The following SLC23A2 variants were observed in gnomAD, a reference collection of about 807,000 sequenced individuals.
The protein encoded by SLC23A2 is Na(+)/L-ascorbic acid transporter 2.
In SLC23A2, 36 loss-of-function variants were observed where a neutral mutation model predicts 73.3. That is an observed-to-expected ratio of 0.49 (90% CI 0.38 to 0.65). The LOEUF (loss-of-function observed/expected upper bound fraction) is 0.65, where lower values mean the gene tolerates loss of function less well. Ranked by LOEUF, SLC23A2 falls within the 30% of genes least tolerant of loss-of-function variation. The pLI is 0.00. For missense variants in SLC23A2, 507 were observed against 841.6 expected, an observed-to-expected ratio of 0.60 and a Z score of 4.92; for synonymous variants, 343 against 327.3, an observed-to-expected ratio of 1.05 and a Z score of -0.52.
intron 2 of SLC23A2, among the ~76,000 whole-genome samples, chr20:4,966,787 A>C (rs2087481192): frequency 7.9e-6 from 1 of 126,360 alleles, no homozygotes; most frequent in African/African-American, 2.8e-5. Flanking sequence ...CATCCTATGG[A>C]TGTGTAAACT....
chr20:4,883,851 G>C lies in SLC23A2; in HGVS notation c.643-28C>G, dbSNP rs776570958. On this transcript the variant is annotated intron_variant, in intron 8 of 16. Coordinates refer to ENST00000338244, the MANE Select transcript of SLC23A2 (RefSeq NM_005116.6). This position sits in a 1 kb window ranked among gnomAD's most constrained non-coding sequence, Gnocchi z 4.5. Reference sequence around the variant, plus strand: ...GCAACAAGAGATGGCACAGACATGAGAGTGAGCTGCTTGTACACTGCACAC... The same window carrying C: ...GCAACAAGAGATGGCACAGACATGACAGTGAGCTGCTTGTACACTGCACAC... 2 of 1,555,424 alleles carry C rather than the reference G, an allele frequency of 1.3e-6. No homozygotes were observed. The highest frequency in any genetic ancestry group is 1.8e-6 in the Non-Finnish European group (2 of 1,138,274).
chr20:4,935,562 G>T (rs1208604992), intron 2 of SLC23A2, among the ~76,000 whole-genome samples: 1 of 152,142 alleles, frequency 6.6e-6, no homozygotes, highest in Non-Finnish European at 1.5e-5. Context: ...ACTTTGGGAG[G>T]CCAAGGCAGG....
At chr20:4,904,418 C>T (rs1931863342) in intron 4 of SLC23A2, among the ~76,000 whole-genome samples, 1 of 151,966 alleles carries the variant, frequency 6.6e-6, no homozygotes, top group Non-Finnish European at 1.5e-5. Flanking sequence ...GTGCCTTTTT[C>T]CATTGTTGAT....
intron 2 of SLC23A2, among the ~76,000 whole-genome samples, chr20:4,951,083 G>A (rs2087195189): frequency 6.6e-6 from 1 of 152,192 alleles, no homozygotes; most frequent in Non-Finnish European, 1.5e-5. Flanking sequence ...GCCTAGGGGA[G>A]CCAAGAACGG....
At chr20:4,877,168 T>A (rs1280744938) in intron 9 of SLC23A2, among the ~76,000 whole-genome samples, 1 of 149,214 alleles carries the variant, frequency 6.7e-6, no homozygotes, top group South Asian at 2.1e-4. Flanking sequence ...TAATAAAATA[T>A]AAATAAATAA....
intron 2 of SLC23A2, among the ~76,000 whole-genome samples, chr20:4,963,745 G>A (rs2087429467): frequency 6.6e-6 from 1 of 152,046 alleles, no homozygotes; most frequent in Non-Finnish European, 1.5e-5. Context: ...CTACTCCTGA[G>A]GCTGAGGCAC....
intron 8 of SLC23A2, among the ~76,000 whole-genome samples, chr20:4,884,422 G>A (rs557539580): frequency 2.3e-4 from 35 of 152,148 alleles, no homozygotes; most frequent in Admixed American, 4.6e-4. Flanking sequence ...AGGCCAGAGC[G>A]AACAATTCTG....
chr20:4,880,612 T>C lies in SLC23A2; in HGVS notation c.824+3030A>G, dbSNP rs181481174. On this transcript the variant is annotated intron_variant, in intron 9 of 16. Coordinates refer to ENST00000338244, the MANE Select transcript of SLC23A2 (RefSeq NM_005116.6). ...CGAATAGAGAAAAAAGACAAAGAGA[T>C]AGAAAACAGGAGAGGAAACAGGAAG... Among the ~76,000 whole-genome samples, 3 of 150,916 alleles carry C rather than the reference T, an allele frequency of 2.0e-5. No homozygotes were observed. In the East Asian group the frequency reaches 5.9e-4, roughly 29 times the overall value.
At chr20:4,913,282 G>T (rs1932219964) in intron 3 of SLC23A2, among the ~76,000 whole-genome samples, 1 of 152,160 alleles carries the variant, frequency 6.6e-6, no homozygotes, top group Non-Finnish European at 1.5e-5. Context: ...ACCCTGAGCT[G>T]CCTCGGTTAA....
intron 1 of SLC23A2, among the ~76,000 whole-genome samples, chr20:4,994,730 C>A (rs753807143): frequency 2.0e-5 from 3 of 151,204 alleles, no homozygotes; most frequent in Non-Finnish European, 4.4e-5. Flanking sequence ...CACTGCACTC[C>A]AGCCTGGGCG....
intron 2 of SLC23A2, among the ~76,000 whole-genome samples, chr20:4,946,262 T>C (rs1600160230): frequency 2.6e-5 from 4 of 152,000 alleles, no homozygotes; most frequent in African/African-American, 7.3e-5. Context: ...GGAGTAATGA[T>C]CCCTTAGAGG....
At chr20:4,929,882 C>T (rs1034628194) in intron 3 of SLC23A2, among the ~76,000 whole-genome samples, 7 of 152,056 alleles carry the variant, frequency 4.6e-5, no homozygotes, top group Non-Finnish European at 1.5e-5. Flanking sequence ...AAGGCTGGGC[C>T]GTATCATTCA....
At chr20:4,898,368 C>T (rs546256773) in intron 6 of SLC23A2, among the ~76,000 whole-genome samples, 36 of 152,338 alleles carry the variant, frequency 2.4e-4, no homozygotes, top group Admixed American at 9.8e-4. Context: ...CATGGCTCAC[C>T]GCCCTCCAAG....
intron 5 of SLC23A2, among the ~76,000 whole-genome samples, chr20:4,900,682 G>A (rs1358698487): frequency 6.6e-6 from 1 of 152,142 alleles, no homozygotes; most frequent in Non-Finnish European, 1.5e-5. Context: ...AGGGTTAAGG[G>A]CGTACAGTAG....
In SLC23A2 at chr20:4,853,689, C is replaced by T. The variant is rs1357618390; in HGVS notation, c.*3283G>A. The T allele has an allele frequency of 6.6e-6, 1 of 152,604 alleles. No individual in the cohort carries two copies. The highest frequency in any genetic ancestry group is 1.5e-5 in the Non-Finnish European group (1 of 68,026). 9.5% of individuals were successfully genotyped at this position (152,604 alleles called of 1,614,324 possible). A position where few individuals can be genotyped will look rare whatever the true frequency, so the allele number is the denominator to read the frequency against. On this transcript the variant is annotated 3_prime_UTR_variant, in exon 17 of 17. Transcript: ENST00000338244. Reference sequence around the variant, plus strand: ...TGTCATCATGAAAGTCGGTATTCTACAGCATAAAGCAAAACCTCTGTGCGA... The same window carrying T: ...TGTCATCATGAAAGTCGGTATTCTATAGCATAAAGCAAAACCTCTGTGCGA...
chr20:4,892,784 G>C (rs1162434479), intron 6 of SLC23A2, among the ~76,000 whole-genome samples: 4 of 152,076 alleles, frequency 2.6e-5, no homozygotes, highest in African/African-American at 9.7e-5. Context: ...ACCAGGTCTG[G>C]AATCTTTTTA....
chr20:4,853,554 T>C lies in SLC23A2; in HGVS notation c.*3418A>G, dbSNP rs1929603038. On this transcript the variant is annotated 3_prime_UTR_variant, in exon 17 of 17. Transcript: ENST00000338244. ...GGAGAAATTCTATCATCACATGACATTGTCATGAAAATTATATCATTCCCT... is the reference window on the plus strand; with the variant it reads ...GGAGAAATTCTATCATCACATGACACTGTCATGAAAATTATATCATTCCCT... The C allele has an allele frequency of 6.5e-6, 1 of 152,788 alleles. No individual in the cohort carries two copies. Among genetic ancestry groups the C allele is most frequent in the South Asian group, 2.1e-4 (1 of 4,828 alleles). 9.5% of individuals were successfully genotyped at this position (152,788 alleles called of 1,614,324 possible). A position where few individuals can be genotyped will look rare whatever the true frequency, so the allele number is the denominator to read the frequency against.
intron 1 of SLC23A2, among the ~76,000 whole-genome samples, chr20:4,979,662 A>G (rs963431140): frequency 6.6e-6 from 1 of 152,204 alleles, no homozygotes; most frequent in African/African-American, 2.4e-5. Flanking sequence ...GATTGTTCCA[A>G]GCATTATTTT....
intron 9 of SLC23A2, among the ~76,000 whole-genome samples, chr20:4,879,968 A>C (rs1438815539): frequency 6.6e-6 from 1 of 152,202 alleles, no homozygotes; most frequent in Non-Finnish European, 1.5e-5. Context: ...ATTTTGAAAG[A>C]TTGGAAGGAG....
Sources: gnomAD v4.1 joint callset for allele counts (sites outside exome capture counted in the v4.1 genomes callset) on GRCh38, gnomAD v4.1.1 for gene constraint, Gnocchi (gnomAD v3.1) non-coding constraint, MANE v1.5 for transcripts, NCBI Gene and HGNC (gene_info 2026-07-23, HGNC 2026-07-21) for gene names.